The following DCTN5 variants were observed in gnomAD, a reference collection of about 807,000 sequenced individuals.
DCTN5 encodes the protein dynactin 4.
Under a neutral mutation model 23.5 loss-of-function variants are expected in DCTN5, and 14 were observed. The observed-to-expected ratio is 0.60, with a 90% CI of 0.39 to 0.93. The LOEUF (loss-of-function observed/expected upper bound fraction) is 0.93, where lower values mean the gene tolerates loss of function less well. Ranked by LOEUF, DCTN5 falls within the 40% of genes least tolerant of loss-of-function variation. The pLI is 0.00. For synonymous variants in DCTN5, 67 were observed against 79.6 expected, an observed-to-expected ratio of 0.84 and a Z score of 0.84; for missense variants, 156 against 225.9, an observed-to-expected ratio of 0.69 and a Z score of 1.98.
At chr16:23,666,810 C>T (rs1210084245) in intron 5 of DCTN5, 3 of 567,544 alleles carry the variant, frequency 5.3e-6, no homozygotes, top group East Asian at 2.9e-5. Flanking sequence ...TGTCATGCAT[C>T]TCTGCTTTTG....
At chr16:23,665,425 T>TC (rs1567233883) in intron 4 of DCTN5, among the ~76,000 whole-genome samples, 1 of 151,976 alleles carries the variant, frequency 6.6e-6, no homozygotes. Context: ...CATACAGCCT[T>TC]CCCCCCGAAA....
chr16:23,646,146 A>T (rs1051368167), intron 2 of DCTN5, among the ~76,000 whole-genome samples: 4 of 152,146 alleles, frequency 2.6e-5, no homozygotes, highest in African/African-American at 4.8e-5. Flanking sequence ...ATAAAATGGT[A>T]TCTCATAGTG....
At chr16:23,644,928 C>A (rs544156071) in intron 2 of DCTN5, among the ~76,000 whole-genome samples, 1 of 145,326 alleles carries the variant, frequency 6.9e-6, no homozygotes, top group East Asian at 2.2e-4. Flanking sequence ...TACAGGTGCA[C>A]GCCACTACAC....
chr16:23,655,466 C>A (rs1343949286), intron 2 of DCTN5, among the ~76,000 whole-genome samples: 1 of 151,944 alleles, frequency 6.6e-6, no homozygotes, highest in Non-Finnish European at 1.5e-5. Flanking sequence ...TCACTGTAGC[C>A]TTGATTCTTA....
intron 3 of DCTN5, among the ~76,000 whole-genome samples, chr16:23,660,409 G>A (rs1967788414): frequency 1.3e-5 from 2 of 152,118 alleles, no homozygotes; most frequent in Non-Finnish European, 2.9e-5. Flanking sequence ...ACATATAAAT[G>A]TGATCACAGA....
intron 2 of DCTN5, among the ~76,000 whole-genome samples, chr16:23,648,569 T>C (rs1967526238): frequency 6.6e-6 from 1 of 151,764 alleles, no homozygotes; most frequent in Non-Finnish European, 1.5e-5. Context: ...AGGCTGGTCG[T>C]GAACTCCTGA....
intron 2 of DCTN5, among the ~76,000 whole-genome samples, chr16:23,649,130 G>A (rs1400689805): frequency 1.3e-5 from 2 of 152,114 alleles, no homozygotes; most frequent in African/African-American, 2.4e-5. Context: ...CAAAATGCTG[G>A]GATTACAGGC....
chr16:23,665,685 A>G lies in DCTN5; in HGVS notation c.408A>G (p.Pro136=), dbSNP rs35586. The change falls in exon 5 of 6, where the codon CCA becomes CCG. Residue 136 remains proline, a synonymous_variant. Coordinates refer to ENST00000300087, the MANE Select transcript of DCTN5 (RefSeq NM_032486.4). ...CKILDNTVLP[P]ETVVPPFTVF... Reference sequence around the variant, plus strand: ...TTCTTGACAACACAGTATTACCTCCAGAAACTGTGGTTCCACCATTCACTG... The same window carrying G: ...TTCTTGACAACACAGTATTACCTCCGGAAACTGTGGTTCCACCATTCACTG... 343,567 of 1,613,248 alleles carry G rather than the reference A, an allele frequency of 0.21. 38,752 individuals are homozygous for G. Among genetic ancestry groups the G allele is most frequent in the East Asian group, 0.43 (19,494 of 44,832 alleles).
At chr16:23,652,328 G>A (rs1017050994) in intron 2 of DCTN5, among the ~76,000 whole-genome samples, 1 of 152,120 alleles carries the variant, frequency 6.6e-6, no homozygotes, top group Admixed American at 6.6e-5. Context: ...TCATCCCGTA[G>A]CTATCTCAAA....
At chr16:23,662,518 G>T (rs1328379096) in intron 4 of DCTN5, among the ~76,000 whole-genome samples, 1 of 152,190 alleles carries the variant, frequency 6.6e-6, no homozygotes, top group Non-Finnish European at 1.5e-5. Flanking sequence ...CTCCAGACTA[G>T]ATTCTAGGAA....
rs375703458 is a variant in DCTN5, at chr16:23,657,267, G to A, written c.118-1240G>A. On this transcript the variant is annotated intron_variant, in intron 2 of 5. Coordinates refer to ENST00000300087, the MANE Select transcript of DCTN5 (RefSeq NM_032486.4). ...GCCTAGGGGTTCAAGACCAGCGTGG[G>A]CAACATAGTGAGACTCCATCTCTAC... Among the ~76,000 whole-genome samples, 51 of 152,260 alleles carry A rather than the reference G, an allele frequency of 3.3e-4. 1 individual carries two copies. In the South Asian group the frequency reaches 0.01, roughly 30 times the overall value.
chr16:23,645,083 CTATATATATATA>C (rs869302728), intron 2 of DCTN5, among the ~76,000 whole-genome samples: 131 of 33,044 alleles, frequency 4.0e-3, no homozygotes, highest in East Asian at 8.8e-3. Context: ...CCCAGCCTAA[CTATATATATATA>C]TATATATATA....
chr16:23,645,909 A>T (rs1967448185), intron 2 of DCTN5, among the ~76,000 whole-genome samples: 1 of 152,192 alleles, frequency 6.6e-6, no homozygotes. Flanking sequence ...AGGAGTGTAT[A>T]TACTCAATAC....
In DCTN5 at chr16:23,665,606, TAAC is replaced by T. The variant is rs760861694; in HGVS notation, c.349-17_349-15del. ...CACAGTAGACTGATCCATTTCCTATTAACAAGATTTTAATTTCAGGGGCGCCGA... is the reference window on the plus strand; with the variant it reads ...CACAGTAGACTGATCCATTTCCTATTAAGATTTTAATTTCAGGGGCGCCGA... On this transcript the variant is annotated splice_polypyrimidine_tract_variant and intron_variant, in intron 4 of 5. Transcript: ENST00000300087. The T allele has an allele frequency of 6.2e-7, 1 of 1,606,198 alleles. No homozygotes were observed. The highest frequency in any genetic ancestry group is 1.1e-5 in the South Asian group (1 of 89,828).
In DCTN5 at chr16:23,647,970, A is replaced by G. The variant is rs147596202; in HGVS notation, c.117+4947A>G. 1.1e-4 allele frequency among the ~76,000 whole-genome samples: 17 copies of G among 152,260 alleles called. No individual in the cohort carries two copies. The East Asian group carries it at 2.7e-3, about 24-fold the overall frequency. ...TCTGTATACAATAAGTACTATTTTTATGTTCCTCCCCTATTCCTATTTTTG... is the reference window on the plus strand; with the variant it reads ...TCTGTATACAATAAGTACTATTTTTGTGTTCCTCCCCTATTCCTATTTTTG... On this transcript the variant is annotated intron_variant, in intron 2 of 5. Transcript: ENST00000300087.
At chr16:23,657,996 G>A (rs1967741422) in intron 2 of DCTN5, among the ~76,000 whole-genome samples, 1 of 152,108 alleles carries the variant, frequency 6.6e-6, no homozygotes, top group African/African-American at 2.4e-5. Context: ...ACAACTTCTG[G>A]GGAAGCCACG....
At chr16:23,648,985 G>A (rs1439126916) in intron 2 of DCTN5, among the ~76,000 whole-genome samples, 1 of 151,784 alleles carries the variant, frequency 6.6e-6, no homozygotes, top group Non-Finnish European at 1.5e-5. Flanking sequence ...AGCCTCCTGA[G>A]TTGCTGGGAC....
chr16:23,672,252 C>T lies in DCTN5; in HGVS notation c.*5108C>T, dbSNP rs1178120366. On this transcript the variant is annotated 3_prime_UTR_variant, in exon 6 of 6. Transcript: ENST00000300087. ...AGAAACAACTGTCAAAACCATGTGCCTGTACTATTTGGAGTGCTGTCCTTG... is the reference window on the plus strand; with the variant it reads ...AGAAACAACTGTCAAAACCATGTGCTTGTACTATTTGGAGTGCTGTCCTTG... 1 of 152,162 alleles carries T rather than the reference C, an allele frequency of 6.6e-6. No homozygotes were observed. The highest frequency in any genetic ancestry group is 1.5e-5 in the Non-Finnish European group (1 of 68,024). 9.4% of individuals were successfully genotyped at this position (152,162 alleles called of 1,614,324 possible). A position where few individuals can be genotyped will look rare whatever the true frequency, so the allele number is the denominator to read the frequency against.
chr16:23,665,763 TC>T (rs745508466), intron 5 of DCTN5, 35 bp downstream of exon 5: 1 of 1,546,554 alleles, frequency 6.5e-7, no homozygotes, highest in Non-Finnish European at 8.9e-7. Context: ...TATTTTAACT[TC>T]CTAAAACTCA....
Sources: gnomAD v4.1 joint callset for allele counts (sites outside exome capture counted in the v4.1 genomes callset) on GRCh38, gnomAD v4.1.1 for gene constraint, MANE v1.5 for transcripts, NCBI Gene and HGNC (gene_info 2026-07-23, HGNC 2026-07-21) for gene names.